DDX4: variants seen among roughly 807,000 people sequenced by gnomAD.
The protein encoded by DDX4 is DEAD-box helicase 4, also known as probable ATP-dependent RNA helicase DDX4.
A neutral mutation model predicts 100.0 loss-of-function variants in DDX4; 25 were observed. The observed-to-expected ratio is 0.25, with a 90% CI of 0.18 to 0.35. The LOEUF (loss-of-function observed/expected upper bound fraction) is 0.35. DDX4 is among the 10% of genes least tolerant of loss of function. DDX4 has a pLI of 1.00. For missense variants in DDX4, 635 were observed against 882.4 expected, an observed-to-expected ratio of 0.72 and a Z score of 3.55; for synonymous variants, 259 against 275.7, an observed-to-expected ratio of 0.94 and a Z score of 0.60.
intron 18 of DDX4, among the ~76,000 whole-genome samples, chr5:55,805,492 C>T (rs1466317053): frequency 1.6e-4 from 24 of 151,782 alleles, no homozygotes; most frequent in East Asian, 9.7e-4. Context: ...TTTTGAAATA[C>T]GTCCCATCAA....
chr5:55,738,482 A>G (rs62363610), intron 1 of DDX4: 1,583 of 150,382 alleles, frequency 0.011, 12 homozygotes, highest in Non-Finnish European at 0.017. Flanking sequence ...CCCCCTACCC[A>G]GTCGACTCCC....
intron 3 of DDX4, among the ~76,000 whole-genome samples, chr5:55,755,481 G>T (rs1759866317): frequency 6.6e-6 from 1 of 151,966 alleles, no homozygotes; most frequent in African/African-American, 2.4e-5. Context: ...GTGTTCCTGG[G>T]CTAAGCCTTA....
chr5:55,810,819 G>A (rs1580612422), intron 18 of DDX4, among the ~76,000 whole-genome samples: 1 of 152,158 alleles, frequency 6.6e-6, no homozygotes, highest in African/African-American at 2.4e-5. Flanking sequence ...GACAAAAGGA[G>A]TTGTCAGAGG....
At chr5:55,783,854 T>A (rs74801716) in intron 10 of DDX4, among the ~76,000 whole-genome samples, 2,163 of 148,930 alleles carry the variant, frequency 0.015, 26 homozygotes, top group Middle Eastern at 0.046. Flanking sequence ...TTTTTTTTTT[T>A]AATACTTTAA....
intron 7 of DDX4, 117 bp downstream of exon 7, chr5:55,768,057 CT>C (rs1741039468): frequency 9.8e-6 from 9 of 920,382 alleles, no homozygotes; most frequent in Non-Finnish European, 1.2e-5. Context: ...AAGAAAAATA[CT>C]TTGGTATATG....
At chr5:55,775,388 G>A (rs1741497877) in intron 7 of DDX4, among the ~76,000 whole-genome samples, 1 of 152,174 alleles carries the variant, frequency 6.6e-6, no homozygotes, top group Non-Finnish European at 1.5e-5. Flanking sequence ...GCCGGGAGAT[G>A]GAACTAGGTA....
chr5:55,755,781 C>G (rs1421977756), intron 3 of DDX4, among the ~76,000 whole-genome samples: 1 of 151,716 alleles, frequency 6.6e-6, no homozygotes, highest in African/African-American at 2.4e-5. Flanking sequence ...CAGTAAGATA[C>G]ACAGCATAAA....
At chr5:55,812,520 T>C (rs6450351) in intron 18 of DDX4, among the ~76,000 whole-genome samples, 44,851 of 128,376 alleles carry the variant, frequency 0.35, 8,976 homozygotes, top group African/African-American at 0.57. Flanking sequence ...GCCGAGATTG[T>C]GCCACTGCAC....
intron 7 of DDX4, among the ~76,000 whole-genome samples, chr5:55,770,268 A>C (rs1053249537): frequency 6.6e-6 from 1 of 152,132 alleles, no homozygotes; most frequent in African/African-American, 2.4e-5. Flanking sequence ...GACAATGTGA[A>C]TCTTGGTCAG....
intron 15 of DDX4, among the ~76,000 whole-genome samples, chr5:55,789,172 T>C (rs1365988275): frequency 6.6e-6 from 1 of 152,238 alleles, no homozygotes. Flanking sequence ...TTAATGTATA[T>C]TTGTGCCTGC....
intron 21 of DDX4, among the ~76,000 whole-genome samples, chr5:55,815,774 C>CTT (rs67244556): frequency 9.6e-5 from 13 of 136,008 alleles, no homozygotes; most frequent in South Asian, 2.3e-4. Context: ...TTTTTCTTTT[C>CTT]TTTTTTTTTT....
At chr5:55,798,975 A>AT (rs1324569590) in intron 18 of DDX4, among the ~76,000 whole-genome samples, 3 of 152,202 alleles carry the variant, frequency 2.0e-5, no homozygotes, top group South Asian at 2.1e-4. Context: ...GATTTGAATA[A>AT]TTTTTTTAGC....
chr5:55,799,445 G>A (rs1050656263), intron 18 of DDX4, among the ~76,000 whole-genome samples: 4 of 152,074 alleles, frequency 2.6e-5, no homozygotes, highest in African/African-American at 9.7e-5. Context: ...GCATGACCAT[G>A]GCTCACTGCA....
At chr5:55,802,981 G>T (rs1447512357) in intron 18 of DDX4, among the ~76,000 whole-genome samples, 3 of 150,918 alleles carry the variant, frequency 2.0e-5, no homozygotes, top group Non-Finnish European at 4.4e-5. Flanking sequence ...ACTTTTTTAG[G>T]GTACATGTGC....
intron 6 of DDX4, among the ~76,000 whole-genome samples, chr5:55,765,111 G>T (rs947681825): frequency 6.6e-6 from 1 of 151,756 alleles, no homozygotes; most frequent in African/African-American, 2.4e-5. Flanking sequence ...AAACATATAT[G>T]ATGTAGAACT....
At position 55,815,187 on chromosome 5, in the gene DDX4, A is replaced by T. The variant is rs1481973482; in HGVS notation, c.1986+16A>T. 1 of 1,611,612 alleles carries T rather than the reference A, an allele frequency of 6.2e-7. No individual in the cohort carries two copies. Reference sequence around the variant, plus strand: ...ATTGACAGATGTAAGTTAAACTTTTATGATGGAATGGATAGTTTTCTTACT... The same window carrying T: ...ATTGACAGATGTAAGTTAAACTTTTTTGATGGAATGGATAGTTTTCTTACT... On this transcript the variant is annotated intron_variant, in intron 20 of 21. Coordinates refer to ENST00000505374, the MANE Select transcript of DDX4 (RefSeq NM_024415.3).
intron 21 of DDX4, 139 bp downstream of exon 21, chr5:55,815,562 A>G (rs1489665598): frequency 8.1e-7 from 1 of 1,236,664 alleles, no homozygotes; most frequent in Non-Finnish European, 1.0e-6. Context: ...TTATTATTTC[A>G]TTAACATTTT....
At chr5:55,804,971 C>T (rs1453101892) in intron 18 of DDX4, among the ~76,000 whole-genome samples, 4 of 151,712 alleles carry the variant, frequency 2.6e-5, no homozygotes, top group Non-Finnish European at 5.9e-5. Flanking sequence ...AATGTTCTTC[C>T]ATTTGTTTGT....
chr5:55,751,202 G>A (rs990475013), intron 3 of DDX4, among the ~76,000 whole-genome samples: 1 of 152,012 alleles, frequency 6.6e-6, no homozygotes, highest in African/African-American at 2.4e-5. Flanking sequence ...ATTAATTTTA[G>A]CCAGTCTATT....
Sources: allele counts gnomAD v4.1 joint callset (sites outside exome capture counted in the v4.1 genomes callset), GRCh38; gene constraint gnomAD v4.1.1; transcripts MANE v1.5; gene names NCBI Gene and HGNC (gene_info 2026-07-23, HGNC 2026-07-21).